The following SEC14L1 variants were observed in gnomAD, a reference collection of about 807,000 sequenced individuals.
The protein encoded by SEC14L1 is SEC14 like lipid binding 1.
Under a neutral mutation model 85.3 loss-of-function variants are expected in SEC14L1, and 48 were observed. The ratio of observed to expected loss-of-function variants is 0.56; its 90% CI spans 0.45 to 0.72. SEC14L1 has a LOEUF of 0.72. Among genes scored for constraint, SEC14L1 ranks in the 30% least tolerant of loss-of-function variants. The pLI is 0.00. For synonymous variants in SEC14L1, 391 were observed against 355.5 expected, an observed-to-expected ratio of 1.10 and a Z score of -1.12; for missense variants, 682 against 921.4, an observed-to-expected ratio of 0.74 and a Z score of 3.36.
At chr17:77,191,145 T>C (rs2143795584) in intron 4 of SEC14L1, 36 bp from the exon 5 acceptor site, 3 of 1,599,612 alleles carry the variant, frequency 1.9e-6, no homozygotes, top group Non-Finnish European at 2.6e-6. Flanking sequence ...TTGGTTGTTA[T>C]TAATAAACCC....
At chr17:77,159,070 T>G (rs1302180109) in intron 3 of SEC14L1, among the ~76,000 whole-genome samples, 1 of 151,736 alleles carries the variant, frequency 6.6e-6, no homozygotes, top group African/African-American at 2.4e-5. Flanking sequence ...GTATTTTTTT[T>G]GTTTTGTTGT....
At chr17:77,113,158 C>T (rs1164158225) in intron 3 of SEC14L1, among the ~76,000 whole-genome samples, 1 of 150,720 alleles carries the variant, frequency 6.6e-6, no homozygotes, top group Non-Finnish European at 1.5e-5. Flanking sequence ...GACCTTGTCT[C>T]GAAAAACAAA....
At chr17:77,118,996 A>C (rs1972238328) in intron 3 of SEC14L1, among the ~76,000 whole-genome samples, 1 of 152,106 alleles carries the variant, frequency 6.6e-6, no homozygotes, top group Non-Finnish European at 1.5e-5. Flanking sequence ...CTCTGCATGC[A>C]TTGATGAAGG....
At chr17:77,136,630 G>T (rs567950178), upstream of SEC14L1, among the ~76,000 whole-genome samples, 38 of 152,322 alleles carry the variant, frequency 2.5e-4, no homozygotes, top group African/African-American at 9.1e-4. Flanking sequence ...ATGTATGTTT[G>T]CTTATGGGTG....
At chr17:77,167,298 C>G (rs1056161602) in intron 3 of SEC14L1, among the ~76,000 whole-genome samples, 1 of 152,010 alleles carries the variant, frequency 6.6e-6, no homozygotes. Context: ...CTACACCCAG[C>G]TAATTTTTGT....
At chr17:77,176,844 C>T (rs544927247) in intron 3 of SEC14L1, among the ~76,000 whole-genome samples, 2 of 152,276 alleles carry the variant, frequency 1.3e-5, no homozygotes, top group South Asian at 4.1e-4. Flanking sequence ...ACCTTGACCT[C>T]CCAAAGTGCT....
Position 77,211,949 on chromosome 17 carries a change from G to A in SEC14L1, c.1612-1G>A. On this transcript the variant is annotated splice_acceptor_variant, in intron 14 of 16. Transcript: ENST00000436233. LOFTEE classifies it high-confidence loss of function. ...GCTGCCTAACGCTGCCTCTTTTTCA[G>A]ATTCTCATTCAGATTGTGGATGCCT... The A allele has an allele frequency of 6.2e-7, 1 of 1,613,426 alleles. No individual in the cohort carries two copies. The highest frequency in any genetic ancestry group is 8.5e-7 in the Non-Finnish European group (1 of 1,179,596).
At chr17:77,204,092 G>A (rs556955338) in intron 10 of SEC14L1, among the ~76,000 whole-genome samples, 5 of 152,304 alleles carry the variant, frequency 3.3e-5, no homozygotes, top group Admixed American at 1.3e-4. Context: ...CTCCACTGCT[G>A]CCGCCATTGG....
chr17:77,146,764 A>G (rs2143541417), intron 3 of SEC14L1, among the ~76,000 whole-genome samples: 1 of 152,326 alleles, frequency 6.6e-6, no homozygotes, highest in Admixed American at 6.5e-5. Context: ...TGTAGTATAA[A>G]GAAAACATTT....
At position 77,205,665 on chromosome 17, in the gene SEC14L1, T is replaced by G. The variant is rs544934337; in HGVS notation, c.1169+319T>G. 2.6e-5 allele frequency among the ~76,000 whole-genome samples: 4 copies of G among 152,296 alleles called. No homozygotes were observed. The South Asian group carries it at 8.3e-4, about 32-fold the overall frequency. On this transcript the variant is annotated intron_variant, in intron 11 of 16. Transcript: ENST00000436233. ...ATGACTCTGTGTTCTTAAACCAAGC[T>G]CTAAGTTACAGTAAAGAGTTCTGAA...
chr17:77,099,548 G>C (rs746263618), intron 3 of SEC14L1, among the ~76,000 whole-genome samples: 2 of 152,180 alleles, frequency 1.3e-5, no homozygotes, highest in South Asian at 4.1e-4. Flanking sequence ...TTTGAGGTCA[G>C]GAGTTCGAGG....
intron 3 of SEC14L1, among the ~76,000 whole-genome samples, chr17:77,148,561 C>A (rs963799123): frequency 6.6e-6 from 1 of 152,218 alleles, no homozygotes; most frequent in African/African-American, 2.4e-5. Context: ...GGAGTGCTGG[C>A]TTTCTCCAGG....
intron 3 of SEC14L1, among the ~76,000 whole-genome samples, chr17:77,148,724 G>A (rs1266903981): frequency 1.3e-5 from 2 of 152,234 alleles, no homozygotes; most frequent in Non-Finnish European, 2.9e-5. Context: ...GGGGTCCCTT[G>A]TTCCTTTGCG....
In SEC14L1 at chr17:77,211,897, AT is replaced by A. The variant is rs1976770741; in HGVS notation, c.1612-52del. The A allele has an allele frequency of 4.4e-6, 7 of 1,598,886 alleles. No individual in the cohort carries two copies. In the Admixed American group the frequency reaches 1.2e-4, roughly 27 times the overall value. ...CTGGAGAGCACGATGCGCTCGCAGC[AT>A]GCCGGCCTGGTGCTCGTGGATCGTG... On this transcript the variant is annotated intron_variant, in intron 14 of 16. Coordinates refer to ENST00000436233, the MANE Select transcript of SEC14L1 (RefSeq NM_001143998.2).
At chr17:77,140,268 C>T (rs1972938132), upstream of SEC14L1, among the ~76,000 whole-genome samples, 1 of 152,160 alleles carries the variant, frequency 6.6e-6, no homozygotes, top group African/African-American at 2.4e-5. Context: ...AGGCCCTGGG[C>T]GCGCGTCTCA....
chr17:77,189,197 C>G (rs1227676084), intron 3 of SEC14L1, among the ~76,000 whole-genome samples: 1 of 152,070 alleles, frequency 6.6e-6, no homozygotes, highest in African/African-American at 2.4e-5. Flanking sequence ...ATGAGCTGAG[C>G]AGGGGAAGCT....
At chr17:77,178,060 C>A (rs564884239) in intron 3 of SEC14L1, among the ~76,000 whole-genome samples, 8 of 147,220 alleles carry the variant, frequency 5.4e-5, no homozygotes, top group Admixed American at 2.0e-4. Flanking sequence ...TCCCCTCCCC[C>A]CCCCCTTTTT....
rs558716850 is a variant in SEC14L1, at chr17:77,185,639, G to T, written c.64-5164G>T. ...AAGATTCATTTTGTTTGAAACCTTTGTAAGTCTCAATTTCTTGGTACGTCA... is the reference window on the plus strand; with the variant it reads ...AAGATTCATTTTGTTTGAAACCTTTTTAAGTCTCAATTTCTTGGTACGTCA... On this transcript the variant is annotated intron_variant, in intron 3 of 16. Coordinates refer to ENST00000436233, the MANE Select transcript of SEC14L1 (RefSeq NM_001143998.2). Among the ~76,000 whole-genome samples, 71 of 152,236 alleles carry T rather than the reference G, an allele frequency of 4.7e-4. 1 individual carries two copies. Among genetic ancestry groups the T allele is most frequent in the Non-Finnish European group, 1.0e-4 (7 of 68,000 alleles).
intron 3 of SEC14L1, among the ~76,000 whole-genome samples, chr17:77,121,637 G>A (rs912660012): frequency 2.0e-5 from 3 of 152,150 alleles, no homozygotes; most frequent in Non-Finnish European, 4.4e-5. Flanking sequence ...GATTACAGGC[G>A]TGAGCCACCG....
Sources: gnomAD v4.1 joint callset for allele counts (sites outside exome capture counted in the v4.1 genomes callset) on GRCh38, gnomAD v4.1.1 for gene constraint, MANE v1.5 for transcripts, NCBI Gene and HGNC (gene_info 2026-07-23, HGNC 2026-07-21) for gene names.